NAALADL2: variants seen among roughly 807,000 people sequenced by gnomAD.
The protein encoded by NAALADL2 is inactive N-acetylated-alpha-linked acidic dipeptidase-like protein 2.
NAALADL2 carries 76 observed loss-of-function variants against 87.2 expected under a neutral mutation model. The ratio of observed to expected loss-of-function variants is 0.87; its 90% CI spans 0.72 to 1.05. The LOEUF (loss-of-function observed/expected upper bound fraction) is 1.05. NAALADL2 is among the 50% of genes least tolerant of loss of function. The pLI, the probability that NAALADL2 is intolerant of heterozygous loss-of-function variation, is 0.00. For missense variants in NAALADL2, 1,089 were observed against 945.8 expected (o/e 1.15, Z -1.99); for synonymous variants, 354 against 331.0 (o/e 1.07, Z -0.75).
chr3:175,199,559 T>C (rs1739497868), intron 2 of NAALADL2, among the ~76,000 whole-genome samples: 1 of 151,670 alleles, frequency 6.6e-6, no homozygotes, highest in Admixed American at 6.6e-5. Flanking sequence ...TGCAAGCAAA[T>C]TGTAAGTATC....
At chr3:175,754,446 A>G (rs572315470) in intron 12 of NAALADL2, among the ~76,000 whole-genome samples, 65 of 152,322 alleles carry the variant, frequency 4.3e-4, no homozygotes, top group African/African-American at 1.4e-3. Flanking sequence ...ATTGGAAAAG[A>G]AACAAAGACA....
At chr3:175,487,641 T>C (rs991810931) in intron 9 of NAALADL2, 35 of 401,786 alleles carry the variant, frequency 8.7e-5, no homozygotes, top group South Asian at 5.6e-4. Flanking sequence ...ATTAAATATT[T>C]TGCCCCTTTC....
At chr3:174,539,099 A>G (rs897122628) in intron 1 of NAALADL2, among the ~76,000 whole-genome samples, 8 of 152,164 alleles carry the variant, frequency 5.3e-5, no homozygotes, top group African/African-American at 9.7e-5. Flanking sequence ...CAAATAAACA[A>G]TCTAATAATA....
intron 2 of NAALADL2, among the ~76,000 whole-genome samples, chr3:174,699,576 A>G (rs1480614443): frequency 6.6e-6 from 1 of 151,864 alleles, no homozygotes; most frequent in Non-Finnish European, 1.5e-5. Context: ...TCAGTTTGAT[A>G]TTTAATTTGA....
At chr3:174,449,940 A>T (rs1715358593) in intron 1 of NAALADL2, among the ~76,000 whole-genome samples, 3 of 152,008 alleles carry the variant, frequency 2.0e-5, no homozygotes, top group Admixed American at 6.6e-5. Flanking sequence ...GATCATTGTC[A>T]TCTTCATTGT....
chr3:175,626,488 A>G (rs774948608), intron 10 of NAALADL2, among the ~76,000 whole-genome samples: 5 of 151,700 alleles, frequency 3.3e-5, no homozygotes, highest in Non-Finnish European at 7.4e-5. Context: ...TTCTCCTCAT[A>G]TTTACTCCTC....
intron 3 of NAALADL2, among the ~76,000 whole-genome samples, chr3:174,829,578 G>C (rs571186652): frequency 0.055 from 7,249 of 131,696 alleles, 550 homozygotes; most frequent in African/African-American, 0.19. Flanking sequence ...ATAAACATAC[G>C]TGTGCATGTG....
intron 9 of NAALADL2, among the ~76,000 whole-genome samples, chr3:175,505,434 A>AG (rs775879462): frequency 6.6e-6 from 1 of 152,002 alleles, no homozygotes; most frequent in African/African-American, 2.4e-5. Context: ...CATAAAGATA[A>AG]GAAAAAATTA....
chr3:175,594,780 TG>T (rs1194283792), intron 10 of NAALADL2, among the ~76,000 whole-genome samples: 4 of 152,262 alleles, frequency 2.6e-5, no homozygotes, highest in African/African-American at 9.6e-5. Flanking sequence ...TTTTCATGTT[TG>T]TTGGCCACTT....
At chr3:175,595,950 C>G (rs927050505) in intron 10 of NAALADL2, among the ~76,000 whole-genome samples, 23 of 151,892 alleles carry the variant, frequency 1.5e-4, no homozygotes, top group African/African-American at 4.8e-4. Context: ...CTAAGTTATT[C>G]TTCTATTCAT....
intron 1 of NAALADL2, among the ~76,000 whole-genome samples, chr3:174,990,738 T>C (rs544283037): frequency 6.6e-6 from 1 of 152,284 alleles, no homozygotes; most frequent in South Asian, 2.1e-4. Flanking sequence ...CTCAACACTC[T>C]CTGCACATTT....
intron 2 of NAALADL2, among the ~76,000 whole-genome samples, chr3:174,629,852 T>C (rs1721939699): frequency 6.6e-6 from 1 of 152,202 alleles, no homozygotes; most frequent in Non-Finnish European, 1.5e-5. Context: ...TAGTTCTTGA[T>C]AAATGGGCAA....
intron 3 of NAALADL2, among the ~76,000 whole-genome samples, chr3:174,831,945 G>A (rs1250984286): frequency 1.1e-3 from 174 of 151,408 alleles, no homozygotes; most frequent in Non-Finnish European, 1.9e-3. Context: ...CTGTGGGATC[G>A]GTGGTGATAT....
At chr3:175,427,283 TG>T (rs1239395711) in intron 5 of NAALADL2, among the ~76,000 whole-genome samples, 1 of 152,158 alleles carries the variant, frequency 6.6e-6, no homozygotes, top group East Asian at 1.9e-4. Flanking sequence ...CTAGTAGATT[TG>T]GGGGGTAGTT....
intron 1 of NAALADL2, among the ~76,000 whole-genome samples, chr3:175,026,472 C>A (rs1220719200): frequency 1.4e-5 from 2 of 144,672 alleles, no homozygotes; most frequent in Non-Finnish European, 3.0e-5. Context: ...TGGTGAAACC[C>A]CGTCTCTACT....
At chr3:175,199,868 T>G (rs55876606) in intron 2 of NAALADL2, among the ~76,000 whole-genome samples, 1 of 15,224 alleles carries the variant, frequency 6.6e-5, no homozygotes, top group East Asian at 2.6e-3. Flanking sequence ...ATATATATTT[T>G]TTTTTTTTTT....
chr3:174,708,235 G>A (rs1730283570), intron 2 of NAALADL2, among the ~76,000 whole-genome samples: 1 of 152,078 alleles, frequency 6.6e-6, no homozygotes. Context: ...TATGATAAAT[G>A]GAAGAGACAA....
intron 2 of NAALADL2, among the ~76,000 whole-genome samples, chr3:174,649,794 T>C (rs77779360): frequency 0.033 from 5,093 of 152,234 alleles, 226 homozygotes; most frequent in African/African-American, 0.1. Flanking sequence ...ATGTGGAAGC[T>C]GAAGATGAGA....
At chr3:175,014,848 T>C (rs1003706842) in intron 1 of NAALADL2, among the ~76,000 whole-genome samples, 3 of 152,098 alleles carry the variant, frequency 2.0e-5, no homozygotes, top group Non-Finnish European at 2.9e-5. Context: ...TCTCCCTCCC[T>C]TCATCCATCC....
Sources: allele counts gnomAD v4.1 joint callset (sites outside exome capture counted in the v4.1 genomes callset), GRCh38; gene constraint gnomAD v4.1.1; transcripts MANE v1.5; gene names NCBI Gene and HGNC (gene_info 2026-07-23, HGNC 2026-07-21).